The following TTC23L variants were observed in gnomAD, a reference collection of about 807,000 sequenced individuals.
The protein encoded by TTC23L is tetratricopeptide repeat protein 23-like.
TTC23L carries 42 observed loss-of-function variants against 48.1 expected under a neutral mutation model. The observed-to-expected ratio is 0.87, with a 90% CI of 0.68 to 1.13. TTC23L has a LOEUF of 1.13. Ranked by LOEUF, TTC23L falls within the 50% of genes most tolerant of loss-of-function variation. The pLI is 0.00. For missense variants in TTC23L, 391 were observed against 421.0 expected, an observed-to-expected ratio of 0.93 and a Z score of 0.62; for synonymous variants, 159 against 157.2, an observed-to-expected ratio of 1.01 and a Z score of -0.09.
At chr5:34,858,900 G>A (rs1479842877) in intron 4 of TTC23L, among the ~76,000 whole-genome samples, 1 of 152,296 alleles carries the variant, frequency 6.6e-6, no homozygotes, top group Non-Finnish European at 1.5e-5. Flanking sequence ...TCCATCAGAA[G>A]GCCCACAATG....
intron 6 of TTC23L, among the ~76,000 whole-genome samples, chr5:34,866,130 T>C (rs1580451673): frequency 6.6e-6 from 1 of 152,316 alleles, no homozygotes; most frequent in South Asian, 2.1e-4. Context: ...TTTATCCTCA[T>C]TTAAAAAAAT....
At chr5:34,911,329 GCTTCT>G in the TTC23L span, among the ~76,000 whole-genome samples, 1 of 152,118 alleles carries the variant, frequency 6.6e-6, no homozygotes, top group Admixed American at 6.5e-5. Context: ...AGAGGACTGG[GCTTCT>G]CATCTAGATG....
the TTC23L span, chr5:34,907,864 C>A: frequency 6.6e-6 from 1 of 152,118 alleles, no homozygotes; most frequent in Non-Finnish European, 1.5e-5. Flanking sequence ...TCATCTCATA[C>A]AATTAAATGC....
chr5:34,853,039 C>T (rs189540396), intron 4 of TTC23L, among the ~76,000 whole-genome samples: 52 of 152,280 alleles, frequency 3.4e-4, no homozygotes, highest in African/African-American at 1.1e-3. Flanking sequence ...TCCCATGACA[C>T]GTGGGGATTA....
the TTC23L span, chr5:34,909,240 T>C: frequency 3.2e-6 from 5 of 1,538,726 alleles, no homozygotes; most frequent in Non-Finnish European, 4.5e-6. Context: ...AATGACAACC[T>C]CTATATTAAG....
rs3032938 is a variant in TTC23L at position 34,886,363 on chromosome 5, TAA to T, written c.1077+6074_1077+6075del. Among the ~76,000 whole-genome samples the T allele has an allele frequency of 4.3e-3, 533 of 123,340 alleles. 1 individual carries two copies. Among genetic ancestry groups the T allele is most frequent in the African/African-American group, 8.7e-3 (287 of 33,156 alleles). 80.9% of individuals were successfully genotyped at this position (123,340 alleles called of 152,430 possible). ...CTCCTTCGGAATTGCCAGGCTGATT[TAA>T]AAAAAAAAAAAAAAAAAACGTTTTA... On this transcript the variant is annotated intron_variant, in intron 9 of 10. Transcript: ENST00000505624.
chr5:34,847,539 G>A (rs945084122), intron 3 of TTC23L, among the ~76,000 whole-genome samples: 5 of 151,932 alleles, frequency 3.3e-5, no homozygotes, highest in African/African-American at 1.2e-4. Context: ...TGAAGGGCAG[G>A]GGATGCCACA....
chr5:34,911,752 AG>A, the TTC23L span: 4 of 1,614,060 alleles, frequency 2.5e-6, no homozygotes, highest in Non-Finnish European at 2.5e-6. Context: ...TCCTTCTTCC[AG>A]GAACAGCATC....
the TTC23L span, among the ~76,000 whole-genome samples, chr5:34,911,348 C>A: frequency 6.6e-6 from 1 of 152,088 alleles, no homozygotes; most frequent in South Asian, 2.1e-4. Context: ...CTAGATGCCA[C>A]CACCACCTAA....
At chr5:34,900,022 C>T (rs933452680), downstream of TTC23L, among the ~76,000 whole-genome samples, 1 of 152,164 alleles carries the variant, frequency 6.6e-6, no homozygotes, top group African/African-American at 2.4e-5. Flanking sequence ...CTTCCATTTC[C>T]CTTTTTCTAA....
chr5:34,858,248 G>C (rs1188661856), intron 4 of TTC23L, among the ~76,000 whole-genome samples: 5 of 152,044 alleles, frequency 3.3e-5, no homozygotes, highest in African/African-American at 1.2e-4. Flanking sequence ...AAAGTAACTT[G>C]ATCTATGAAG....
chr5:34,859,840 C>CTTTTTTTTTTTTTTTTTTT (rs10590697), intron 4 of TTC23L, among the ~76,000 whole-genome samples: 2 of 95,356 alleles, frequency 2.1e-5, no homozygotes, highest in Non-Finnish European at 4.2e-5. Flanking sequence ...TTTTCTTCTT[C>CTTTTTTTTTTTTTTTTTTT]TTTTTTTTTT....
At chr5:34,872,773 C>T (rs969991991) in intron 8 of TTC23L, among the ~76,000 whole-genome samples, 1 of 152,074 alleles carries the variant, frequency 6.6e-6, no homozygotes, top group Non-Finnish European at 1.5e-5. Context: ...TTAAAAGAAC[C>T]GGACTTGGGC....
exon 4 of TTC23L, chr5:34,850,249 A>G (rs767915202): frequency 1.2e-6 from 2 of 1,613,812 alleles, no homozygotes; most frequent in African/African-American, 2.7e-5. Flanking sequence ...TTTGGGGACC[A>G]TCACTGGAAA....
At chr5:34,912,633 T>C in the TTC23L span, among the ~76,000 whole-genome samples, 2 of 152,186 alleles carry the variant, frequency 1.3e-5, no homozygotes, top group Non-Finnish European at 2.9e-5. Context: ...TCCTTAGTTT[T>C]ATACCCACAG....
chr5:34,918,874 A>G, the TTC23L span: 1 of 140,482 alleles, frequency 7.1e-6, no homozygotes. Context: ...ATAGAATTCA[A>G]AGCACTTTTT....
chr5:34,915,690 CGAG>C, the TTC23L span: 1 of 1,535,724 alleles, frequency 6.5e-7, no homozygotes, highest in South Asian at 1.3e-5. Context: ...GAAATAGGAG[CGAG>C]CGGCAGCGCC....
intron 3 of TTC23L, among the ~76,000 whole-genome samples, chr5:34,848,373 AATG>A (rs1759388989): frequency 6.6e-6 from 1 of 152,184 alleles, no homozygotes. Flanking sequence ...CTTGCTAATA[AATG>A]ATTCATTCAG....
intron 2 of TTC23L, among the ~76,000 whole-genome samples, chr5:34,845,154 A>G (rs1335292195): frequency 6.6e-6 from 1 of 152,228 alleles, no homozygotes; most frequent in East Asian, 1.9e-4. Context: ...GTGCTGATTT[A>G]TGAGTATTAT....
Sources: allele counts gnomAD v4.1 joint callset (sites outside exome capture counted in the v4.1 genomes callset), GRCh38; gene constraint gnomAD v4.1.1; transcripts MANE v1.5; gene names NCBI Gene and HGNC (gene_info 2026-07-23, HGNC 2026-07-21).